The following LRP1B variants were observed in gnomAD, a reference collection of about 807,000 sequenced individuals.
The protein encoded by LRP1B is low-density lipoprotein receptor-related protein 1B.
In LRP1B, 217 loss-of-function variants were observed where a neutral mutation model predicts 556.6. The observed-to-expected ratio is 0.39, with a 90% CI of 0.35 to 0.44. The LOEUF (loss-of-function observed/expected upper bound fraction) is 0.44. Among genes scored for constraint, LRP1B ranks in the 20% least tolerant of loss-of-function variants. LRP1B has a pLI of 1.00. For missense variants in LRP1B, 5,053 were observed against 5,620.8 expected, an observed-to-expected ratio of 0.90 and a Z score of 3.23; for synonymous variants, 2,047 against 1,865.8, an observed-to-expected ratio of 1.10 and a Z score of -2.50.
At chr2:142,117,971 A>G (rs932858111) in intron 1 of LRP1B, among the ~76,000 whole-genome samples, 1 of 152,122 alleles carries the variant, frequency 6.6e-6, no homozygotes, top group Non-Finnish European at 1.5e-5. Flanking sequence ...TGACATGATG[A>G]GCATAGAAAT....
chr2:141,841,155 T>C (rs1283323763), intron 1 of LRP1B, among the ~76,000 whole-genome samples: 1 of 152,164 alleles, frequency 6.6e-6, no homozygotes, highest in African/African-American at 2.4e-5. Flanking sequence ...TAGTTCTACT[T>C]GAACCAAGGA....
intron 10 of LRP1B, among the ~76,000 whole-genome samples, chr2:141,054,015 T>C (rs1391039896): frequency 2.0e-5 from 3 of 151,972 alleles, no homozygotes; most frequent in African/African-American, 7.2e-5. Flanking sequence ...ATTCCCAGCA[T>C]TTAATACAAA....
chr2:141,237,035 G>A lies in LRP1B; in HGVS notation c.593-7595C>T, dbSNP rs569846793. Among the ~76,000 whole-genome samples the A allele has an allele frequency of 5.5e-4, 84 of 152,286 alleles. No homozygotes were observed. In the South Asian group the frequency reaches 0.014, roughly 26 times the overall value. ...TATCTGAATTACTGAACACAGAAAT[G>A]CCATTTTAATTTCTCAGAAACAAGG... On this transcript the variant is annotated intron_variant, in intron 5 of 90. Transcript: ENST00000389484.
At chr2:141,859,536 T>C (rs546635046) in intron 1 of LRP1B, among the ~76,000 whole-genome samples, 6 of 152,302 alleles carry the variant, frequency 3.9e-5, no homozygotes, top group African/African-American at 1.2e-4. Context: ...AATTTATAAA[T>C]TGTGGTATGT....
chr2:141,788,585 GGTTA>G (rs536306099), intron 2 of LRP1B, among the ~76,000 whole-genome samples: 1,617 of 151,910 alleles, frequency 0.011, 36 homozygotes, highest in African/African-American at 0.038. Flanking sequence ...ACAATGTGCA[GGTTA>G]GTTACATATG....
chr2:140,260,715 G>A (rs1443431240), intron 86 of LRP1B, among the ~76,000 whole-genome samples: 1 of 151,426 alleles, frequency 6.6e-6, no homozygotes. Flanking sequence ...AGGTCTTTAC[G>A]CAAATACCAT....
intron 3 of LRP1B, among the ~76,000 whole-genome samples, chr2:141,446,638 G>T (rs1681202869): frequency 6.6e-6 from 1 of 152,174 alleles, no homozygotes; most frequent in African/African-American, 2.4e-5. Context: ...TTGCTTGTCT[G>T]TGAAGGATTT....
chr2:141,467,946 C>T (rs1369227853), intron 3 of LRP1B, among the ~76,000 whole-genome samples: 6 of 151,844 alleles, frequency 4.0e-5, no homozygotes, highest in East Asian at 1.9e-4. Flanking sequence ...CATGGTTCCC[C>T]GTATGTTTGT....
chr2:140,763,481 G>C (rs1008302784), intron 35 of LRP1B, among the ~76,000 whole-genome samples: 2 of 152,070 alleles, frequency 1.3e-5, no homozygotes, highest in Non-Finnish European at 2.9e-5. Flanking sequence ...TTTCCTGAGG[G>C]GTGCTGAGTG....
At chr2:140,840,271 G>A (rs910231597) in intron 30 of LRP1B, among the ~76,000 whole-genome samples, 186 bp from the exon 31 acceptor site, 60 of 152,232 alleles carry the variant, frequency 3.9e-4, no homozygotes, top group Non-Finnish European at 7.4e-5. Context: ...TGAAAAGAAA[G>A]CACCACTCTT....
chr2:141,188,365 T>A (rs1273619710), intron 7 of LRP1B, 56 bp downstream of exon 7: 3 of 1,520,654 alleles, frequency 2.0e-6, no homozygotes, highest in Non-Finnish European at 2.7e-6. Flanking sequence ...CATACTTCAA[T>A]CTTTTCTTTT....
chr2:141,871,608 C>A (rs1013809547), intron 1 of LRP1B, among the ~76,000 whole-genome samples: 7 of 152,048 alleles, frequency 4.6e-5, no homozygotes, highest in African/African-American at 1.7e-4. Context: ...ATGAAACAAT[C>A]CCTGTGTTTG....
rs189147467 is a variant in LRP1B at position 140,848,760 on chromosome 2, C to A, written c.4939+1342G>T. Among the ~76,000 whole-genome samples the A allele has an allele frequency of 2.6e-5, 4 of 152,258 alleles. No individual in the cohort carries two copies. In the East Asian group the frequency reaches 7.7e-4, roughly 29 times the overall value. On this transcript the variant is annotated intron_variant, in intron 29 of 90. Transcript: ENST00000389484. ...GCAAATAGTAAGTGCTCAATAAAGA[C>A]ACATTCAATAAAATAATAACTGACC...
intron 1 of LRP1B, among the ~76,000 whole-genome samples, chr2:142,079,473 A>G (rs1705632376): frequency 6.6e-6 from 1 of 151,030 alleles, no homozygotes; most frequent in Admixed American, 6.7e-5. Context: ...TTTTTCATAC[A>G]TCCAATATTT....
At chr2:141,889,139 C>T (rs953633475) in intron 1 of LRP1B, among the ~76,000 whole-genome samples, 2 of 152,018 alleles carry the variant, frequency 1.3e-5, no homozygotes, top group Non-Finnish European at 2.9e-5. Context: ...CACCAAAAGT[C>T]CCTGCAACTC....
At chr2:141,648,191 C>T (rs1258670150) in intron 2 of LRP1B, among the ~76,000 whole-genome samples, 3 of 152,146 alleles carry the variant, frequency 2.0e-5, no homozygotes, top group Non-Finnish European at 4.4e-5. Context: ...TACAAAGAGG[C>T]TGGACCTGCA....
chr2:140,918,130 T>A (rs1694631968), intron 21 of LRP1B, among the ~76,000 whole-genome samples: 1 of 152,044 alleles, frequency 6.6e-6, no homozygotes, highest in Non-Finnish European at 1.5e-5. Flanking sequence ...TATTTTGAAG[T>A]ATGATCCTAG....
chr2:140,677,834 C>T (rs141164592), intron 41 of LRP1B, among the ~76,000 whole-genome samples: 534 of 144,454 alleles, frequency 3.7e-3, no homozygotes, highest in Middle Eastern at 0.016. Context: ...CGAGATCGTG[C>T]TATTGCACTC....
intron 84 of LRP1B, among the ~76,000 whole-genome samples, chr2:140,285,682 T>C (rs1021010949): frequency 6.6e-6 from 1 of 151,822 alleles, no homozygotes; most frequent in Non-Finnish European, 1.5e-5. Context: ...TCACTTTAAT[T>C]ACATTGTTAA....
Sources: allele counts gnomAD v4.1 joint callset (sites outside exome capture counted in the v4.1 genomes callset), GRCh38; gene constraint gnomAD v4.1.1; transcripts MANE v1.5; gene names NCBI Gene and HGNC (gene_info 2026-07-23, HGNC 2026-07-21).